Variants in RAD9B observed in about 807,000 individuals in gnomAD.
RAD9B encodes the protein cell cycle checkpoint control protein RAD9B.
Under a neutral mutation model 48.3 loss-of-function variants are expected in RAD9B, and 41 were observed. The ratio of observed to expected loss-of-function variants is 0.85; its 90% CI spans 0.66 to 1.10. The LOEUF is 1.10. RAD9B is among the 50% of genes least tolerant of loss of function. The probability of loss-of-function intolerance (pLI) is 0.00; values close to 1 mark genes in which losing one functional copy is unlikely to be tolerated. For synonymous variants in RAD9B, 160 were observed against 157.9 expected (o/e 1.01, Z -0.10); for missense variants, 444 against 485.1 (o/e 0.92, Z 0.80).
At chr12:110,516,533 C>T (rs115680231) in intron 6 of RAD9B, among the ~76,000 whole-genome samples, 4 of 152,068 alleles carry the variant, frequency 2.6e-5, no homozygotes, top group East Asian at 1.9e-4. Context: ...ATCATTTGGC[C>T]GGGTGCGGTG....
intron 10 of RAD9B, among the ~76,000 whole-genome samples, chr12:110,527,399 G>A (rs1176103966): frequency 6.6e-6 from 1 of 152,172 alleles, no homozygotes; most frequent in South Asian, 2.1e-4. Flanking sequence ...AGAGGTTCAT[G>A]GGCTTAGTAC....
In RAD9B at chr12:110,531,693, AATG is replaced by A; in HGVS notation, c.*1041_*1043del. ...TTGGAGTGGAATAAGGTGGAAGACAAATGTCTCTGTTCTTTGGCCCTTTAAGAG... is the reference window on the plus strand; with the variant it reads ...TTGGAGTGGAATAAGGTGGAAGACAATCTCTGTTCTTTGGCCCTTTAAGAG... On this transcript the variant is annotated 3_prime_UTR_variant, in exon 11 of 11. Transcript: ENST00000409300. 1 of 1,512,258 alleles carries A rather than the reference AATG, an allele frequency of 6.6e-7. No homozygotes were observed. Among genetic ancestry groups the A allele is most frequent in the Non-Finnish European group, 9.1e-7 (1 of 1,103,556 alleles). 93.7% of individuals were successfully genotyped at this position (1,512,258 alleles called of 1,614,324 possible).
chr12:110,520,628 C>CTTTTTTTTTTTTTTTTTTTTTTTT (rs71083129), intron 9 of RAD9B, among the ~76,000 whole-genome samples: 166 of 99,922 alleles, frequency 1.7e-3, no homozygotes, highest in Middle Eastern at 9.8e-3. Flanking sequence ...TTCTTGCTTT[C>CTTTTTTTTTTTTTTTTTTTTTTTT]TTTTTTTTTT....
At chr12:110,528,591 G>A (rs755640400) in intron 10 of RAD9B, among the ~76,000 whole-genome samples, 1 of 152,242 alleles carries the variant, frequency 6.6e-6, no homozygotes. Flanking sequence ...GATTAGCCAG[G>A]AGAGTGCGGC....
rs908843103 is a variant in RAD9B, at chr12:110,519,919, A to T, written c.890+3A>T. ...TGTCTTTCACAGAAACGAAAAAGGT[A>T]AGACTGTGTTTTAACTTCTTTATTA... On this transcript the variant is annotated splice_donor_region_variant and intron_variant, in intron 9 of 10. Coordinates refer to ENST00000409300, the MANE Select transcript of RAD9B (RefSeq NM_001286535.2). The T allele has an allele frequency of 2.5e-6, 4 of 1,610,382 alleles. No homozygotes were observed. Among genetic ancestry groups the T allele is most frequent in the South Asian group, 1.1e-5 (1 of 89,918 alleles).
chr12:110,526,514 G>A (rs983231069), intron 10 of RAD9B, among the ~76,000 whole-genome samples: 3 of 152,192 alleles, frequency 2.0e-5, no homozygotes, highest in African/African-American at 7.2e-5. Flanking sequence ...ATTTGCACGT[G>A]ATGATATACA....
At chr12:110,520,650 G>GTTTT (rs1232808618) in intron 9 of RAD9B, among the ~76,000 whole-genome samples, 22 of 69,638 alleles carry the variant, frequency 3.2e-4, no homozygotes, top group South Asian at 1.8e-3. Context: ...TTTTTTTGTT[G>GTTTT]TTTTTTTTTT....
At chr12:110,515,187 T>C in intron 6 of RAD9B, 31 bp downstream of exon 6, 1 of 1,143,320 alleles carries the variant, frequency 8.7e-7, no homozygotes, top group South Asian at 1.3e-5. Flanking sequence ...GGTGTTTTGA[T>C]GGGTTATTAC....
intron 6 of RAD9B, among the ~76,000 whole-genome samples, chr12:110,516,226 CAA>C (rs201236068): frequency 7.1e-6 from 1 of 141,452 alleles, no homozygotes. Context: ...GATCTTGTCT[CAA>C]AAAAAAAAAA....
At chr12:110,521,555 C>CTT (rs577675171) in intron 9 of RAD9B, among the ~76,000 whole-genome samples, 29 of 126,592 alleles carry the variant, frequency 2.3e-4, no homozygotes, top group Middle Eastern at 4.2e-3. Context: ...AAACATAATT[C>CTT]TTTTTTTTTT....
rs764644723 is a variant in RAD9B at position 110,519,856 on chromosome 12, C to T, written c.830C>T (p.Ala277Val). The change falls in exon 9 of 11, where the codon GCT becomes GTT. Residue 277 changes from alanine to valine, a missense_variant. Physicochemically the swap from Ala to Val is moderately conservative, Grantham distance 64 (BLOSUM62 0). Transcript: ENST00000409300. ...VEANFILATL[A>V]DEQSRASSPQ... ...GCTAACTTTATTTTGGCCACATTAG[C>T]TGATGAACAAAGTAGAGCATCTTCA... is the stretch of plus-strand genomic sequence containing the variant. The T allele has an allele frequency of 6.2e-7, 1 of 1,613,152 alleles. No individual in the cohort carries two copies. Among genetic ancestry groups the T allele is most frequent in the Non-Finnish European group, 8.5e-7 (1 of 1,179,550 alleles).
chr12:110,518,792 G>A lies in RAD9B; in HGVS notation c.702+10G>A. The A allele has an allele frequency of 6.3e-7, 1 of 1,577,898 alleles. No homozygotes were observed. Among genetic ancestry groups the A allele is most frequent in the Admixed American group, 1.8e-5 (1 of 54,976 alleles). ...TTTCAAAGAATTGAAGGTAAATAAA[G>A]ATTTGTATCAATTTAAAATTCAAAT... On this transcript the variant is annotated intron_variant, in intron 7 of 10. Coordinates refer to ENST00000409300, the MANE Select transcript of RAD9B (RefSeq NM_001286535.2).
chr12:110,522,170 A>C lies in RAD9B; in HGVS notation c.891-7A>C, dbSNP rs1249631844. 6.5e-7 allele frequency: 1 copy of C among 1,546,238 alleles called. No individual in the cohort carries two copies. On this transcript the variant is annotated splice_polypyrimidine_tract_variant and splice_region_variant and intron_variant, in intron 9 of 10. Coordinates refer to ENST00000409300, the MANE Select transcript of RAD9B (RefSeq NM_001286535.2). ...GTTCATTCATTTAATGCCTATTAAT[A>C]CCTCAGGTCAGATCTGATTGAAAAA...
intron 10 of RAD9B, among the ~76,000 whole-genome samples, chr12:110,526,368 G>C (rs1331636519): frequency 6.6e-6 from 1 of 152,176 alleles, no homozygotes; most frequent in Non-Finnish European, 1.5e-5. Context: ...GAGACTTACA[G>C]GCTGAAGGTG....
intron 10 of RAD9B, among the ~76,000 whole-genome samples, chr12:110,526,642 G>A (rs1199250004): frequency 2.6e-5 from 4 of 151,582 alleles, no homozygotes; most frequent in Non-Finnish European, 4.4e-5. Flanking sequence ...GGGCACGGTG[G>A]CTCATGCCTG....
chr12:110,530,389 G>A, intron 10 of RAD9B, 136 bp from the exon 11 acceptor site: 1 of 792,932 alleles, frequency 1.3e-6, no homozygotes, highest in Non-Finnish European at 2.1e-6. Flanking sequence ...GAAGGTTCTG[G>A]GTGTTCTGTG....
At chr12:110,515,272 A>T (rs904037492) in intron 6 of RAD9B, 116 bp downstream of exon 6, 4 of 605,774 alleles carry the variant, frequency 6.6e-6, no homozygotes, top group Non-Finnish European at 1.1e-5. Flanking sequence ...AAGCAGTAAG[A>T]TGTAGAAAGG....
At chr12:110,525,733 T>C (rs981564731) in intron 10 of RAD9B, among the ~76,000 whole-genome samples, 1 of 152,120 alleles carries the variant, frequency 6.6e-6, no homozygotes, top group Non-Finnish European at 1.5e-5. Context: ...CTCTGTTGCC[T>C]AGGCTGGAGT....
chr12:110,512,310 G>A (rs897451579), intron 4 of RAD9B, among the ~76,000 whole-genome samples: 2 of 151,902 alleles, frequency 1.3e-5, no homozygotes, highest in African/African-American at 4.8e-5. Context: ...CACCATGCCC[G>A]ACTGATTTTT....
Sources: allele counts gnomAD v4.1 joint callset (sites outside exome capture counted in the v4.1 genomes callset), GRCh38; gene constraint gnomAD v4.1.1; transcripts MANE v1.5; gene names NCBI Gene and HGNC (gene_info 2026-07-23, HGNC 2026-07-21).